The following BEND4 variants were observed in gnomAD, a reference collection of about 807,000 sequenced individuals.
The protein encoded by BEND4 is BEN domain-containing protein 4.
In BEND4, 27 loss-of-function variants were observed where a neutral mutation model predicts 54.7. The ratio of observed to expected loss-of-function variants is 0.49; its 90% CI spans 0.36 to 0.68. BEND4 has a LOEUF of 0.68. Among genes scored for constraint, BEND4 ranks in the 30% least tolerant of loss-of-function variants. The pLI, the probability that BEND4 is intolerant of heterozygous loss-of-function variation, is 0.00. For synonymous variants in BEND4, 327 were observed against 299.5 expected, an observed-to-expected ratio of 1.09 and a Z score of -0.95; for missense variants, 702 against 697.2, an observed-to-expected ratio of 1.01 and a Z score of -0.08.
At position 42,111,071 on chromosome 4, in the gene BEND4, C is replaced by T. The variant is rs2153143430; in HGVS notation, c.*6447G>A. 1 of 152,216 alleles carries T rather than the reference C, an allele frequency of 6.6e-6. No homozygotes were observed. The highest frequency in any genetic ancestry group is 3.4e-3 in the Middle Eastern group (1 of 294). 9.4% of individuals were successfully genotyped at this position (152,216 alleles called of 1,614,324 possible). A position where few individuals can be genotyped will look rare whatever the true frequency, so the allele number is the denominator to read the frequency against. ...TAATTGGCTCTAGTAACAAATGTCT[C>T]TTATAATTAAAAATATTGAATGTTT... On this transcript the variant is annotated 3_prime_UTR_variant, in exon 6 of 6. Transcript: ENST00000502486.
chr4:42,149,245 C>CT (rs1397588082), intron 2 of BEND4, among the ~76,000 whole-genome samples: 16 of 136,170 alleles, frequency 1.2e-4, no homozygotes, highest in African/African-American at 4.3e-4. Flanking sequence ...TGCACACATG[C>CT]TTATTGGTTC....
chr4:42,117,753 A>T lies in BEND4; in HGVS notation c.1388-18T>A. 1 of 1,525,520 alleles carries T rather than the reference A, an allele frequency of 6.6e-7. No individual in the cohort carries two copies. Among genetic ancestry groups the T allele is most frequent in the South Asian group, 1.2e-5 (1 of 82,830 alleles). 94.5% of individuals were successfully genotyped at this position (1,525,520 alleles called of 1,614,324 possible). A position where few individuals can be genotyped will look rare whatever the true frequency, so the allele number is the denominator to read the frequency against. On this transcript the variant is annotated intron_variant, in intron 5 of 5. Transcript: ENST00000502486. ...AATGAATTCTGCAGGAATATATACAACATCAAAAAGAGAGAGAGAAAAAAA... is the reference window on the plus strand; with the variant it reads ...AATGAATTCTGCAGGAATATATACATCATCAAAAAGAGAGAGAGAAAAAAA...
In BEND4 at chr4:42,117,765, G is replaced by A. The variant is rs552993377; in HGVS notation, c.1388-30C>T. The A allele has an allele frequency of 4.2e-5, 62 of 1,472,758 alleles. No individual in the cohort carries two copies. In the African/African-American group the frequency reaches 7.9e-4, roughly 19 times the overall value. The allele number at this position is 1,472,758 out of a possible 1,614,324, so 91.2% of individuals were successfully genotyped here. A position where few individuals can be genotyped will look rare whatever the true frequency, so the allele number is the denominator to read the frequency against. ...AGGAATATATACAACATCAAAAAGA[G>A]AGAGAGAAAAAAACAGCTGGTTTTT... On this transcript the variant is annotated intron_variant, in intron 5 of 5. Transcript: ENST00000502486.
chr4:42,139,074 A>G (rs936128561), intron 3 of BEND4, among the ~76,000 whole-genome samples: 2 of 152,204 alleles, frequency 1.3e-5, no homozygotes. Flanking sequence ...ACTCTGTCCA[A>G]TGAGAAGTTC....
At chr4:42,123,671 A>G (rs1720145719) in intron 4 of BEND4, among the ~76,000 whole-genome samples, 2 of 128,656 alleles carry the variant, frequency 1.6e-5, no homozygotes, top group African/African-American at 6.1e-5. Context: ...TTAAGCATAT[A>G]TTTACTTTGG....
rs529654344 is a variant in BEND4, at chr4:42,138,960, G to A, written c.1054+4468C>T. Among the ~76,000 whole-genome samples, 5 of 152,024 alleles carry A rather than the reference G, an allele frequency of 3.3e-5. No individual in the cohort carries two copies. In the East Asian group the frequency reaches 7.7e-4, roughly 23 times the overall value. On this transcript the variant is annotated intron_variant, in intron 3 of 5. Coordinates refer to ENST00000502486, the MANE Select transcript of BEND4 (RefSeq NM_207406.4). Reference sequence around the variant, plus strand: ...ATTGGTGTAGCTTACATCCACTGGCGTCTTAGATTAGATGAAATATGGTAT... The same window carrying A: ...ATTGGTGTAGCTTACATCCACTGGCATCTTAGATTAGATGAAATATGGTAT...
chr4:42,119,926 T>A, intron 5 of BEND4, 128 bp downstream of exon 5: 1 of 1,199,632 alleles, frequency 8.3e-7, no homozygotes, highest in Non-Finnish European at 1.2e-6. Flanking sequence ...ATGGGCCACA[T>A]GAAGCCTAGA....
At chr4:42,122,029 G>A (rs527970161) in intron 4 of BEND4, among the ~76,000 whole-genome samples, 3 of 152,286 alleles carry the variant, frequency 2.0e-5, no homozygotes, top group African/African-American at 2.4e-5. Context: ...TGGGTGGGCC[G>A]GGAGCGGGGG....
intron 3 of BEND4, among the ~76,000 whole-genome samples, chr4:42,133,810 T>C (rs572155185): frequency 5.9e-5 from 9 of 152,264 alleles, no homozygotes; most frequent in East Asian, 1.9e-4. Context: ...GCCGAGATAG[T>C]GCCACTGCAC....
At chr4:42,151,366 C>A (rs774496056) in intron 2 of BEND4, 9 of 261,100 alleles carry the variant, frequency 3.4e-5, no homozygotes, top group Non-Finnish European at 5.0e-5. Flanking sequence ...TGGCCCCACT[C>A]CGGACCACGC....
At position 42,114,193 on chromosome 4, in the gene BEND4, C is replaced by G. The variant is rs973181031; in HGVS notation, c.*3325G>C. The G allele has an allele frequency of 6.6e-6, 1 of 152,132 alleles. No individual in the cohort carries two copies. The highest frequency in any genetic ancestry group is 2.4e-5 in the African/African-American group (1 of 41,416). 9.4% of individuals were successfully genotyped at this position (152,132 alleles called of 1,614,324 possible). A position where few individuals can be genotyped will look rare whatever the true frequency, so the allele number is the denominator to read the frequency against. ...GCTTGCAAAATACTGGTCCCCTCCA[C>G]AGGCTCCTGACCTACACTATCCAAT... On this transcript the variant is annotated 3_prime_UTR_variant, in exon 6 of 6. Coordinates refer to ENST00000502486, the MANE Select transcript of BEND4 (RefSeq NM_207406.4).
At chr4:42,123,574 G>A (rs1720142880) in intron 4 of BEND4, among the ~76,000 whole-genome samples, 1 of 151,660 alleles carries the variant, frequency 6.6e-6, no homozygotes, top group Non-Finnish European at 1.5e-5. Flanking sequence ...GAGCTTCCTG[G>A]AAGAAGTGGG....
At chr4:42,135,691 C>A (rs1055237994) in intron 3 of BEND4, among the ~76,000 whole-genome samples, 2 of 152,136 alleles carry the variant, frequency 1.3e-5, no homozygotes, top group Admixed American at 6.5e-5. Context: ...AGGAGAATGG[C>A]ATGAACCCGG....
intron 2 of BEND4, 105 bp downstream of exon 2, chr4:42,151,552 G>C (rs1237332614): frequency 1.7e-6 from 2 of 1,185,250 alleles, no homozygotes; most frequent in African/African-American, 1.6e-5. Flanking sequence ...ATCCCGACAC[G>C]GCCCAGCACG....
rs574630536 is a variant in BEND4, at chr4:42,115,805, G to A, written c.*1713C>T. 2 of 152,184 alleles carry A rather than the reference G, an allele frequency of 1.3e-5. No individual in the cohort carries two copies. The highest frequency in any genetic ancestry group is 2.9e-5 in the Non-Finnish European group (2 of 68,020). 9.4% of individuals were successfully genotyped at this position (152,184 alleles called of 1,614,324 possible). ...TCATTTCTTTTACTTCCAAATTTTAGCTAATTTGCCCCAAATAGAATTGAA... is the reference window on the plus strand; with the variant it reads ...TCATTTCTTTTACTTCCAAATTTTAACTAATTTGCCCCAAATAGAATTGAA... On this transcript the variant is annotated 3_prime_UTR_variant, in exon 6 of 6. Coordinates refer to ENST00000502486, the MANE Select transcript of BEND4 (RefSeq NM_207406.4).
intron 3 of BEND4, among the ~76,000 whole-genome samples, chr4:42,142,004 C>CCT (rs1720902467): frequency 1.3e-5 from 2 of 151,656 alleles, no homozygotes; most frequent in Non-Finnish European, 2.9e-5. Context: ...CCTGGGTTCA[C>CCT]GTCATTCTCC....
chr4:42,151,790 C>A lies in BEND4; in HGVS notation c.354G>T (p.Gln118His), dbSNP rs1293702498. The A allele has an allele frequency of 6.7e-6, 10 of 1,489,758 alleles. No homozygotes were observed. The highest frequency in any genetic ancestry group is 8.9e-6 in the Non-Finnish European group (10 of 1,127,392). The allele number at this position is 1,489,758 out of a possible 1,614,324, so 92.3% of individuals were successfully genotyped here. The change falls in exon 2 of 6, where the codon CAG (glutamine) becomes CAT (histidine). Residue 118 changes from glutamine (Q) to histidine (H), a missense_variant. Physicochemically the swap from Gln to His is conservative, Grantham distance 24. Transcript: ENST00000502486. ...AGGCGGCGGGGGACGCGGGCGGCGG[C>A]TGCGCCGGAGTCCTCAAGTGGCCCT... ...TSQGHLRTPA[Q>H]PPPASPAASS...
At chr4:42,142,628 C>T in intron 3 of BEND4, among the ~76,000 whole-genome samples, 1 of 137,124 alleles carries the variant, frequency 7.3e-6, no homozygotes. Context: ...GTGAGAGAGA[C>T]TCCGTCTCAA....
intron 3 of BEND4, among the ~76,000 whole-genome samples, chr4:42,138,884 C>A (rs998094928): frequency 1.3e-5 from 2 of 152,066 alleles, no homozygotes; most frequent in African/African-American, 4.8e-5. Context: ...ACTTTGTGTT[C>A]AAAGATAATT....
Sources: allele counts gnomAD v4.1 joint callset (sites outside exome capture counted in the v4.1 genomes callset), GRCh38; gene constraint gnomAD v4.1.1; transcripts MANE v1.5; gene names NCBI Gene and HGNC (gene_info 2026-07-23, HGNC 2026-07-21).